The following MTMR3 variants were observed in gnomAD, a reference collection of about 807,000 sequenced individuals.
The protein encoded by MTMR3 is myotubularin related protein 3.
MTMR3 carries 32 observed loss-of-function variants against 132.4 expected under a neutral mutation model. That is an observed-to-expected ratio of 0.24 (90% CI 0.18 to 0.32). MTMR3 has a LOEUF of 0.32. Ranked by LOEUF, MTMR3 falls within the 10% of genes least tolerant of loss-of-function variation. The pLI is 1.00. For missense variants in MTMR3, 1,216 were observed against 1,489.6 expected, an observed-to-expected ratio of 0.82 and a Z score of 3.02; for synonymous variants, 556 against 550.3, an observed-to-expected ratio of 1.01 and a Z score of -0.14.
chr22:29,973,527 C>A (rs1217696335), intron 3 of MTMR3, among the ~76,000 whole-genome samples: 3 of 152,188 alleles, frequency 2.0e-5, no homozygotes, highest in Non-Finnish European at 2.9e-5. Flanking sequence ...CACTTCTACG[C>A]TTTGCAAACA....
chr22:30,012,627 G>A (rs1316355739), intron 13 of MTMR3, 64 bp downstream of exon 13: 1 of 1,468,722 alleles, frequency 6.8e-7, no homozygotes, highest in Non-Finnish European at 9.1e-7. Flanking sequence ...TCTCAGGAGT[G>A]ATACCAGTTT....
intron 11 of MTMR3, 194 bp downstream of exon 11, chr22:30,008,226 G>A (rs1167169459): frequency 4.7e-6 from 3 of 636,018 alleles, no homozygotes; most frequent in South Asian, 2.7e-5. Flanking sequence ...AGGAGGAGGT[G>A]CAGTGAAGTC....
At chr22:30,013,737 A>G (rs1307369509) in intron 14 of MTMR3, 196 bp downstream of exon 14, 4 of 515,916 alleles carry the variant, frequency 7.8e-6, no homozygotes, top group Non-Finnish European at 1.3e-5. Flanking sequence ...CCAGGTTTGC[A>G]TGAAGTCCTT....
Position 30,025,973 on chromosome 22 carries a change from C to A in MTMR3, c.*172C>A. ...TTGTAGATTGATTTTTCTTTCCTGT[C>A]CCCCTACTCCCTCCCTACCTTTTCC... On this transcript the variant is annotated 3_prime_UTR_variant, in exon 20 of 20. Transcript: ENST00000401950. The A allele has an allele frequency of 1.7e-6, 1 of 587,578 alleles. No individual in the cohort carries two copies. Among genetic ancestry groups the A allele is most frequent in the Non-Finnish European group, 2.9e-6 (1 of 339,918 alleles). The allele number at this position is 587,578 out of a possible 1,614,324, so 36.4% of individuals were successfully genotyped here. A position where few individuals can be genotyped will look rare whatever the true frequency, so the allele number is the denominator to read the frequency against.
chr22:29,927,526 G>C (rs927701313), intron 1 of MTMR3, among the ~76,000 whole-genome samples: 2 of 152,042 alleles, frequency 1.3e-5, no homozygotes, highest in African/African-American at 4.8e-5. Flanking sequence ...ATAATATTTT[G>C]TAGTTTTAAA....
chr22:29,978,510 C>G lies in MTMR3; in HGVS notation c.72C>G (p.Ile24Met). ...ANQIFPRKQLIREDENLQVPF... is the reference protein window; with the variant it reads ...ANQIFPRKQLMREDENLQVPF... ...AGATCTTTCCCAGGAAGCAGCTGATCCGGGAGGATGAGAATCTTCAGGTAA... is the reference window on the plus strand; with the variant it reads ...AGATCTTTCCCAGGAAGCAGCTGATGCGGGAGGATGAGAATCTTCAGGTAA... Residue 24 changes from isoleucine (I) to methionine (M), a missense_variant, in exon 4 of 20, where the codon ATC becomes ATG. Around this residue, in one of 7 missense-constraint regions of MTMR3, gnomAD observed 81 missense variants for 87.7 expected, o/e 0.92. Transcript: ENST00000401950. The G allele has an allele frequency of 1.7e-5, 28 of 1,613,504 alleles. No homozygotes were observed. Among genetic ancestry groups the G allele is most frequent in the Non-Finnish European group, 2.4e-5 (28 of 1,179,598 alleles).
In MTMR3 at chr22:30,013,347, T is replaced by TC. The variant is rs758436091; in HGVS notation, c.1318-6dup. 1 of 1,613,496 alleles carries TC rather than the reference T, an allele frequency of 6.2e-7. No individual in the cohort carries two copies. The highest frequency in any genetic ancestry group is 1.1e-5 in the South Asian group (1 of 91,020). On this transcript the variant is annotated splice_polypyrimidine_tract_variant and intron_variant, in intron 13 of 19. Coordinates refer to ENST00000401950, the MANE Select transcript of MTMR3 (RefSeq NM_021090.4). ...GCACAAATGGTCTCTCCTGGATGCT[T>TC]CCCTGCAGGGTTTCCAGGTCCTCGT...
chr22:29,932,081 T>A (rs36590), intron 1 of MTMR3, among the ~76,000 whole-genome samples: 1 of 152,100 alleles, frequency 6.6e-6, no homozygotes, highest in Non-Finnish European at 1.5e-5. Flanking sequence ...CTATTGTAAT[T>A]TGTTTCAGTC....
intron 12 of MTMR3, 42 bp from the exon 13 acceptor site, chr22:30,012,326 A>C: frequency 6.3e-7 from 1 of 1,585,180 alleles, no homozygotes. Context: ...GCAGTAAATC[A>C]TAAAAAAATC....
chr22:30,002,807 C>T, intron 8 of MTMR3, 73 bp from the exon 9 acceptor site: 2 of 898,128 alleles, frequency 2.2e-6, no homozygotes, highest in African/African-American at 1.7e-5. Flanking sequence ...CACCTAGTGT[C>T]TCTCTCTCTC....
At chr22:30,008,984 G>A (rs777678565) in intron 11 of MTMR3, 34 bp from the exon 12 acceptor site, 36 of 1,464,700 alleles carry the variant, frequency 2.5e-5, no homozygotes, top group Middle Eastern at 3.5e-4. Flanking sequence ...TAAGTTCAAC[G>A]TATTTGTGTT....
chr22:30,007,514 A>G (rs1030247224), intron 10 of MTMR3, 195 bp downstream of exon 10: 2 of 629,338 alleles, frequency 3.2e-6, no homozygotes, highest in Non-Finnish European at 5.5e-6. Context: ...ACCTGAATCA[A>G]GATATTAGTG....
At chr22:29,884,939 A>T (rs2064640186) in intron 1 of MTMR3, among the ~76,000 whole-genome samples, 1 of 152,164 alleles carries the variant, frequency 6.6e-6, no homozygotes, top group Non-Finnish European at 1.5e-5. Flanking sequence ...AGAATTTTAG[A>T]TTGGCTGCCT....
intron 1 of MTMR3, among the ~76,000 whole-genome samples, chr22:29,940,530 CT>C (rs2145809933): frequency 6.7e-6 from 1 of 150,196 alleles, no homozygotes; most frequent in South Asian, 2.1e-4. Context: ...AATGACTGTA[CT>C]TTTAACAGAT....
intron 8 of MTMR3, chr22:30,001,093 A>G (rs2067162042): frequency 1.3e-5 from 2 of 152,124 alleles, no homozygotes. Context: ...TCTCTACAGA[A>G]AATTTCTTAA....
chr22:30,009,750 G>C (rs574769827), intron 12 of MTMR3: 1 of 152,290 alleles, frequency 6.6e-6, no homozygotes, highest in Admixed American at 6.5e-5. Flanking sequence ...GATAAATTAG[G>C]AAGAATGCTC....
intron 9 of MTMR3, chr22:30,006,456 G>T (rs2067275074): frequency 6.6e-6 from 1 of 152,240 alleles, no homozygotes; most frequent in Non-Finnish European, 1.5e-5. Flanking sequence ...GCATTAAGAA[G>T]GTAGCAGATT....
At chr22:29,905,462 T>A (rs1568997782) in intron 1 of MTMR3, among the ~76,000 whole-genome samples, 2 of 152,228 alleles carry the variant, frequency 1.3e-5, no homozygotes, top group African/African-American at 4.8e-5. Context: ...TAGTTGATAC[T>A]ATGAAAATTT....
chr22:30,013,433 C>T lies in MTMR3; in HGVS notation c.1395C>T (p.Asn465=), dbSNP rs1170956778. The change falls in exon 14 of 20, where the codon AAC becomes AAT. Residue 465 remains asparagine, a synonymous_variant. Transcript: ENST00000401950. ...KFADRCGHGE[N]SDDLNERCPV... ...CTGACCGGTGTGGTCATGGGGAGAA[C>T]TCGGATGATCTGAATGAACGTTGCC... 1 of 1,614,010 alleles carries T rather than the reference C, an allele frequency of 6.2e-7. No individual in the cohort carries two copies. The highest frequency in any genetic ancestry group is 1.7e-5 in the Admixed American group (1 of 59,994).
Sources: gnomAD v4.1 joint callset for allele counts (sites outside exome capture counted in the v4.1 genomes callset) on GRCh38, gnomAD v4.1.1 for gene constraint, gnomAD v4.1.1 regional missense constraint, MANE v1.5 for transcripts, NCBI Gene and HGNC (gene_info 2026-07-23, HGNC 2026-07-21) for gene names.